Variants in CFAP61 observed in about 807,000 individuals in gnomAD.
The protein encoded by CFAP61 is cilia and flagella associated protein 61, also known as cilia- and flagella-associated protein 61.
CFAP61 carries 107 observed loss-of-function variants against 135.6 expected under a neutral mutation model. That is an observed-to-expected ratio of 0.79 (90% CI 0.67 to 0.93). CFAP61 has a LOEUF of 0.93. Ranked by LOEUF, CFAP61 falls within the 40% of genes least tolerant of loss-of-function variation. The pLI is 0.00. For missense variants in CFAP61, 1,507 were observed against 1,556.2 expected, an observed-to-expected ratio of 0.97 and a Z score of 0.53; for synonymous variants, 575 against 578.5, an observed-to-expected ratio of 0.99 and a Z score of 0.09.
chr20:20,126,347 G>A lies in CFAP61; in HGVS notation c.860-16510G>A, dbSNP rs572933759. ...TACTTTAAAGAGGTTCTGTTTTGAT[G>A]TGTTTCCAGTATTTGTTTTAAGATT... On this transcript the variant is annotated intron_variant, in intron 8 of 26. Coordinates refer to ENST00000245957, the MANE Select transcript of CFAP61 (RefSeq NM_015585.4). Among the ~76,000 whole-genome samples the A allele has an allele frequency of 5.3e-5, 8 of 151,948 alleles. No homozygotes were observed. The East Asian group carries it at 1.2e-3, about 22-fold the overall frequency.
chr20:20,154,224 C>T (rs1451367441), intron 9 of CFAP61, among the ~76,000 whole-genome samples: 1 of 151,936 alleles, frequency 6.6e-6, no homozygotes, highest in African/African-American at 2.4e-5. Flanking sequence ...TAAAAGCCAT[C>T]TATGAGACAC....
chr20:20,205,844 TATG>T (rs1212925368), intron 17 of CFAP61, among the ~76,000 whole-genome samples: 5 of 152,194 alleles, frequency 3.3e-5, no homozygotes, highest in African/African-American at 1.2e-4. Context: ...GTTACAAAAT[TATG>T]GTGGCAGCTG....
intron 6 of CFAP61, among the ~76,000 whole-genome samples, chr20:20,080,971 C>T (rs1002825189): frequency 6.6e-6 from 1 of 151,442 alleles, no homozygotes. Context: ...CATTGTACTC[C>T]AGCCTGGCGA....
intron 18 of CFAP61, among the ~76,000 whole-genome samples, chr20:20,244,812 A>G (rs1241149206): frequency 6.6e-6 from 1 of 152,218 alleles, no homozygotes; most frequent in East Asian, 1.9e-4. Context: ...CTTCCCTTAT[A>G]AAACTGAATG....
chr20:20,234,158 C>T (rs2049389733), intron 18 of CFAP61, among the ~76,000 whole-genome samples: 1 of 152,152 alleles, frequency 6.6e-6, no homozygotes, highest in African/African-American at 2.4e-5. Flanking sequence ...TGCCTGAGAG[C>T]AGGGCCGTGT....
intron 2 of CFAP61, among the ~76,000 whole-genome samples, chr20:20,064,947 A>T (rs1202417002): frequency 6.6e-6 from 1 of 152,182 alleles, no homozygotes; most frequent in African/African-American, 2.4e-5. Flanking sequence ...TAGGTATAAT[A>T]ATCAGGGCAG....
At chr20:20,064,810 C>T (rs529409871) in intron 2 of CFAP61, among the ~76,000 whole-genome samples, 25 of 152,200 alleles carry the variant, frequency 1.6e-4, no homozygotes, top group African/African-American at 4.8e-4. Context: ...TCTCCACCCC[C>T]GTCAAAATCC....
intron 26 of CFAP61, among the ~76,000 whole-genome samples, chr20:20,351,188 A>G (rs78814927): frequency 6.6e-6 from 1 of 152,196 alleles, no homozygotes; most frequent in African/African-American, 2.4e-5. Flanking sequence ...TGATGACATG[A>G]TCTTATACAC....
intron 10 of CFAP61, among the ~76,000 whole-genome samples, chr20:20,160,009 T>C (rs1268795826): frequency 6.6e-6 from 1 of 152,218 alleles, no homozygotes; most frequent in Non-Finnish European, 1.5e-5. Flanking sequence ...GGTGGTCCGT[T>C]GACCACTCCA....
chr20:20,251,192 T>A (rs2146984420), intron 19 of CFAP61, among the ~76,000 whole-genome samples: 1 of 152,318 alleles, frequency 6.6e-6, no homozygotes, highest in South Asian at 2.1e-4. Flanking sequence ...CTCAACAATG[T>A]CACTTTCTTC....
chr20:20,339,103 C>A (rs1251587608), intron 25 of CFAP61, among the ~76,000 whole-genome samples: 1 of 152,190 alleles, frequency 6.6e-6, no homozygotes, highest in East Asian at 1.9e-4. Context: ...CACGTGCACA[C>A]AGCCCCTTAA....
chr20:20,160,465 G>A (rs1379511775), intron 10 of CFAP61, among the ~76,000 whole-genome samples: 2 of 152,154 alleles, frequency 1.3e-5, no homozygotes, highest in African/African-American at 4.8e-5. Context: ...CCTTTCTCAT[G>A]GCTAACACTG....
In CFAP61 at chr20:20,277,469, C is replaced by A; in HGVS notation, c.2796+11C>A. ...AGACTCCAGTGCTCTGTAAGTGGGTCCCTGCAAACCTCACTCACCAGCCAG... is the reference window on the plus strand; with the variant it reads ...AGACTCCAGTGCTCTGTAAGTGGGTACCTGCAAACCTCACTCACCAGCCAG... On this transcript the variant is annotated intron_variant, in intron 22 of 26. Coordinates refer to ENST00000245957, the MANE Select transcript of CFAP61 (RefSeq NM_015585.4). The A allele has an allele frequency of 6.3e-7, 1 of 1,588,446 alleles. No individual in the cohort carries two copies. The highest frequency in any genetic ancestry group is 8.6e-7 in the Non-Finnish European group (1 of 1,163,022).
At chr20:20,175,406 G>A (rs944258484) in intron 13 of CFAP61, among the ~76,000 whole-genome samples, 4 of 152,326 alleles carry the variant, frequency 2.6e-5, no homozygotes, top group African/African-American at 9.6e-5. Context: ...TTCTGAATCT[G>A]TGTTGCTAAC....
Position 20,137,551 on chromosome 20 carries a change from C to T in CFAP61, c.860-5306C>T, listed in dbSNP as rs188254922. Among the ~76,000 whole-genome samples, 58 of 152,328 alleles carry T rather than the reference C, an allele frequency of 3.8e-4. No homozygotes were observed. The East Asian group carries it at 9.5e-3, about 25-fold the overall frequency. On this transcript the variant is annotated intron_variant, in intron 8 of 26. Transcript: ENST00000245957. ...CACCACCACAGGCCCACAGGGAGTA[C>T]TACCAGGGTACTACTGATGTTCACT... is the stretch of plus-strand genomic sequence containing the variant.
intron 25 of CFAP61, among the ~76,000 whole-genome samples, chr20:20,331,026 A>AT (rs1470403811): frequency 6.6e-6 from 1 of 152,218 alleles, no homozygotes; most frequent in African/African-American, 2.4e-5. Flanking sequence ...GACTATATAA[A>AT]TACCTTATGT....
chr20:20,118,587 C>T (rs769874334), intron 8 of CFAP61, among the ~76,000 whole-genome samples: 11 of 151,822 alleles, frequency 7.2e-5, no homozygotes, highest in Non-Finnish European at 1.5e-4. Flanking sequence ...GTGATCTGCC[C>T]GCCTTGGCTT....
At chr20:20,129,165 C>T (rs1470684616) in intron 8 of CFAP61, among the ~76,000 whole-genome samples, 1 of 151,502 alleles carries the variant, frequency 6.6e-6, no homozygotes, top group Non-Finnish European at 1.5e-5. Context: ...TGTTTTATAC[C>T]TTCAGATGTC....
intron 6 of CFAP61, among the ~76,000 whole-genome samples, chr20:20,089,485 C>T (rs549146909): frequency 1.3e-5 from 2 of 149,388 alleles, no homozygotes; most frequent in East Asian, 3.9e-4. Flanking sequence ...AAGATGGTAG[C>T]ATAGTAAAGC....
Sources: gnomAD v4.1 joint callset for allele counts (sites outside exome capture counted in the v4.1 genomes callset) on GRCh38, gnomAD v4.1.1 for gene constraint, MANE v1.5 for transcripts, NCBI Gene and HGNC (gene_info 2026-07-23, HGNC 2026-07-21) for gene names.